RMND5B: variants seen among roughly 807,000 people sequenced by gnomAD.
RMND5B encodes required for meiotic nuclear division 5 homolog B, also known as E3 ubiquitin-protein transferase RMND5B.
RMND5B carries 42 observed loss-of-function variants against 50.4 expected under a neutral mutation model. That is an observed-to-expected ratio of 0.83 (90% CI 0.65 to 1.08). RMND5B has a LOEUF of 1.08. RMND5B is among the 50% of genes least tolerant of loss of function. The pLI is 0.00. For missense variants in RMND5B, 463 were observed against 508.5 expected (o/e 0.91, Z 0.86); for synonymous variants, 220 against 210.0 (o/e 1.05, Z -0.41).
intron 2 of RMND5B, among the ~76,000 whole-genome samples, chr5:178,132,643 A>T (rs1265501623): frequency 1.6e-4 from 25 of 151,530 alleles, no homozygotes; most frequent in Admixed American, 1.6e-3. Context: ...CTGAGGTGGG[A>T]GGATCACTTG....
chr5:178,146,372 CG>C, intron 8 of RMND5B, 93 bp downstream of exon 8: 1 of 1,262,926 alleles, frequency 7.9e-7, no homozygotes, highest in South Asian at 1.4e-5. Flanking sequence ...GAACAGTGCT[CG>C]GTGCTTTCAG....
In RMND5B at chr5:178,149,806, G is replaced by A. The variant is rs375285426; in HGVS notation, c.*1774G>A. 369 of 1,613,772 alleles carry A rather than the reference G, an allele frequency of 2.3e-4. 1 individual carries two copies. Among genetic ancestry groups the A allele is most frequent in the Non-Finnish European group, 2.8e-4 (327 of 1,179,870 alleles). ...GGGGCTTGACCATTATCACACAGGT[G>A]GGGCGCTTGGAGCCTGCGGCTGCAC... is the stretch of plus-strand genomic sequence containing the variant. On this transcript the variant is annotated 3_prime_UTR_variant, in exon 11 of 11. Coordinates refer to ENST00000313386, the MANE Select transcript of RMND5B (RefSeq NM_022762.5).
At chr5:178,132,480 A>G (rs1213691152) in intron 2 of RMND5B, among the ~76,000 whole-genome samples, 1 of 151,820 alleles carries the variant, frequency 6.6e-6, no homozygotes, top group Non-Finnish European at 1.5e-5. Context: ...TGTGGTGGGG[A>G]GAGAGGGGAA....
Position 178,147,643 on chromosome 5 carries a change from C to CT in RMND5B, c.963+9dup. 6.2e-7 allele frequency: 1 copy of CT among 1,614,088 alleles called. No homozygotes were observed. The highest frequency in any genetic ancestry group is 8.5e-7 in the Non-Finnish European group (1 of 1,179,990). On this transcript the variant is annotated intron_variant, in intron 9 of 10. Coordinates refer to ENST00000313386, the MANE Select transcript of RMND5B (RefSeq NM_022762.5). ...CACAAGGACGAGTTACCGGTGAGGC[C>CT]TGGTCTGGGGAATCGTGGGCAAGAG...
chr5:178,145,434 C>A (rs1426600901), intron 7 of RMND5B, among the ~76,000 whole-genome samples: 1 of 150,568 alleles, frequency 6.6e-6, no homozygotes, highest in African/African-American at 2.4e-5. Flanking sequence ...TGCAGTGAAC[C>A]GAGATTGTGC....
chr5:178,135,012 C>T (rs1187411939), intron 2 of RMND5B, among the ~76,000 whole-genome samples: 1 of 151,870 alleles, frequency 6.6e-6, no homozygotes, highest in Non-Finnish European at 1.5e-5. Flanking sequence ...TAATCACACT[C>T]CTCAGTTCAT....
intron 3 of RMND5B, chr5:178,142,248 G>A: frequency 4.0e-6 from 1 of 251,994 alleles, no homozygotes; most frequent in Non-Finnish European, 7.7e-6. Context: ...TAACCTGGCA[G>A]TTAAACAGAA....
Position 178,138,170 on chromosome 5 carries a change from G to C in RMND5B, c.51G>C (p.Lys17Asn). ...GAGAGCTGGACAAGGTCCTGCAGAA[G>C]TTCCTGACCTACGGGCAGCACTGTG... ...VERELDKVLQKFLTYGQHCER... is the reference protein window; with the variant it reads ...VERELDKVLQNFLTYGQHCER... Residue 17 changes from lysine (K) to asparagine (N), a missense_variant, in exon 3 of 11, where the codon AAG becomes AAC. Coordinates refer to ENST00000313386, the MANE Select transcript of RMND5B (RefSeq NM_022762.5). The surrounding 1 kb of genome is among the most constrained non-coding windows in gnomAD (Gnocchi z 5.1). 2.5e-6 allele frequency: 4 copies of C among 1,613,596 alleles called. No individual in the cohort carries two copies. The highest frequency in any genetic ancestry group is 3.4e-6 in the Non-Finnish European group (4 of 1,179,794).
chr5:178,145,716 CTG>C (rs1755967017), intron 7 of RMND5B, among the ~76,000 whole-genome samples: 2 of 152,176 alleles, frequency 1.3e-5, no homozygotes, highest in Admixed American at 6.5e-5. Flanking sequence ...CAAAACATGA[CTG>C]AAGTTTTAGC....
At position 178,146,171 on chromosome 5, in the gene RMND5B, C is replaced by T. The variant is rs776891686; in HGVS notation, c.752C>T (p.Pro251Leu). 6.2e-7 allele frequency: 1 copy of T among 1,614,132 alleles called. No individual in the cohort carries two copies. Among genetic ancestry groups the T allele is most frequent in the Non-Finnish European group, 8.5e-7 (1 of 1,180,000 alleles). ...VYLRLGLEKSPYCHLLDSSHW... is the reference protein window; with the variant it reads ...VYLRLGLEKSLYCHLLDSSHW... ...CTGCGGCTGGGCTTGGAGAAGTCAC[C>T]CTACTGCCACCTGCTGGACAGCAGC... The change falls in exon 8 of 11, where the codon CCC (proline) becomes CTC (leucine). Residue 251 changes from proline to leucine, a missense_variant. Pro to Leu is a moderately conservative substitution (Grantham distance 98). Coordinates refer to ENST00000313386, the MANE Select transcript of RMND5B (RefSeq NM_022762.5).
At chr5:178,146,431 GT>G in intron 8 of RMND5B, 152 bp downstream of exon 8, 2 of 687,952 alleles carry the variant, frequency 2.9e-6, no homozygotes, top group Non-Finnish European at 4.8e-6. Context: ...GGAATTACCT[GT>G]TTTTACAGTT....
chr5:178,148,126 G>C lies in RMND5B; in HGVS notation c.*94G>C. 1 of 1,265,126 alleles carries C rather than the reference G, an allele frequency of 7.9e-7. No homozygotes were observed. Among genetic ancestry groups the C allele is most frequent in the Non-Finnish European group, 1.2e-6 (1 of 869,068 alleles). 78.4% of individuals were successfully genotyped at this position (1,265,126 alleles called of 1,614,324 possible). On this transcript the variant is annotated 3_prime_UTR_variant, in exon 11 of 11. Coordinates refer to ENST00000313386, the MANE Select transcript of RMND5B (RefSeq NM_022762.5). ...GGTCAACTTCAGTGGACTGTGGTTG[G>C]TTTCAGAGCGCCTGGCTGAGGAGTT...
Position 178,145,845 on chromosome 5 carries a change from A to G in RMND5B, c.695-269A>G, listed in dbSNP as rs2113440875. ...TGATCCTTGATGCAGTGGGGGAGGA[A>G]AGAGAACTGGAAAAGAACTGTCCTC... On this transcript the variant is annotated intron_variant, in intron 7 of 10. Coordinates refer to ENST00000313386, the MANE Select transcript of RMND5B (RefSeq NM_022762.5). 7.5e-6 allele frequency: 3 copies of G among 399,618 alleles called. No individual in the cohort carries two copies. The East Asian group carries it at 1.2e-4, about 16-fold the overall frequency. 24.8% of individuals were successfully genotyped at this position (399,618 alleles called of 1,614,324 possible). A position where few individuals can be genotyped will look rare whatever the true frequency, so the allele number is the denominator to read the frequency against.
intron 2 of RMND5B, among the ~76,000 whole-genome samples, chr5:178,132,657 C>A (rs1226837145): frequency 1.3e-5 from 2 of 151,520 alleles, no homozygotes; most frequent in African/African-American, 4.9e-5. Flanking sequence ...TCACTTGAGC[C>A]CAGGAGGTCG....
intron 3 of RMND5B, among the ~76,000 whole-genome samples, chr5:178,140,277 G>A (rs1217139850): frequency 6.6e-6 from 1 of 151,980 alleles, no homozygotes; most frequent in Non-Finnish European, 1.5e-5. Flanking sequence ...GGGCTCAAGT[G>A]ATCCTACCAC....
chr5:178,143,833 G>A (rs1413800129), intron 6 of RMND5B, 106 bp downstream of exon 6: 1 of 1,474,306 alleles, frequency 6.8e-7, no homozygotes, highest in Admixed American at 1.7e-5. Context: ...CTTGCCTGCA[G>A]CCCTGTCTCA....
At chr5:178,142,514 CT>C in intron 3 of RMND5B, 68 bp from the exon 4 acceptor site, 1 of 1,536,906 alleles carries the variant, frequency 6.5e-7, no homozygotes, top group Non-Finnish European at 8.8e-7. Context: ...TAGAATAGAG[CT>C]AAGGTCTGCT....
At position 178,146,228 on chromosome 5, in the gene RMND5B, G is replaced by T. The variant is rs758789234; in HGVS notation, c.809G>T (p.Arg270Leu). 1 of 1,614,152 alleles carries T rather than the reference G, an allele frequency of 6.2e-7. No individual in the cohort carries two copies. The highest frequency in any genetic ancestry group is 1.3e-5 in the African/African-American group (1 of 75,048). ...HWAEICETFT[R>L]DACSLLGLSV... ...GCAGAGATCTGTGAGACCTTTACCC[G>T]GGACGCCTGTTCCCTGCTGGGGCTT... Residue 270 changes from arginine to leucine, a missense_variant, in exon 8 of 11, where the codon CGG (arginine) becomes CTG (leucine). Transcript: ENST00000313386.
intron 9 of RMND5B, 47 bp downstream of exon 9, chr5:178,147,682 C>G (rs765344601): frequency 1.2e-6 from 2 of 1,614,008 alleles, no homozygotes; most frequent in African/African-American, 2.7e-5. Context: ...CTGGGGAGGA[C>G]AGCCATGACA....
Sources: allele counts gnomAD v4.1 joint callset (sites outside exome capture counted in the v4.1 genomes callset), GRCh38; gene constraint gnomAD v4.1.1; non-coding constraint Gnocchi (gnomAD v3.1); transcripts MANE v1.5; gene names NCBI Gene and HGNC (gene_info 2026-07-23, HGNC 2026-07-21).